TTC7A: variants seen among roughly 807,000 people sequenced by gnomAD.
The protein encoded by TTC7A is tetratricopeptide repeat protein 7A.
Under a neutral mutation model 103.7 loss-of-function variants are expected in TTC7A, and 110 were observed. That is an observed-to-expected ratio of 1.06 (90% CI 0.91 to 1.24). The LOEUF (loss-of-function observed/expected upper bound fraction) is 1.24. Among genes scored for constraint, TTC7A ranks in the 50% most tolerant of loss-of-function variants. The pLI is 0.00. For missense variants in TTC7A, 1,340 were observed against 1,116.3 expected, an observed-to-expected ratio of 1.20 and a Z score of -2.86; for synonymous variants, 521 against 467.9, an observed-to-expected ratio of 1.11 and a Z score of -1.47.
intron 15 of TTC7A, among the ~76,000 whole-genome samples, chr2:47,032,099 C>G (rs1258756354): frequency 6.6e-6 from 1 of 152,234 alleles, no homozygotes; most frequent in Non-Finnish European, 1.5e-5. Context: ...TGACTCCTTC[C>G]CCAGGAAGTG....
At chr2:46,956,769 G>C in intron 2 of TTC7A, 70 bp from the exon 3 acceptor site, 1 of 1,572,536 alleles carries the variant, frequency 6.4e-7, no homozygotes, top group Non-Finnish European at 8.7e-7. Context: ...ACAAGGTCCA[G>C]GTTCAGTGGG....
chr2:47,040,695 A>G (rs1025411911), intron 15 of TTC7A, among the ~76,000 whole-genome samples: 1 of 152,176 alleles, frequency 6.6e-6, no homozygotes, highest in Non-Finnish European at 1.5e-5. Context: ...TCAAAGCAGG[A>G]GTCCCTTCCC....
intron 16 of TTC7A, chr2:47,047,244 G>A (rs1473552179): frequency 2.0e-6 from 3 of 1,479,546 alleles, no homozygotes; most frequent in Non-Finnish European, 1.8e-6. Context: ...CCCCAGTCTG[G>A]TGTATATTTG....
At chr2:46,942,225 T>C (rs1670492178) in intron 1 of TTC7A, among the ~76,000 whole-genome samples, 1 of 152,168 alleles carries the variant, frequency 6.6e-6, no homozygotes, top group African/African-American at 2.4e-5. Flanking sequence ...CCAGCCTCAG[T>C]TTCCTCATCT....
intron 2 of TTC7A, among the ~76,000 whole-genome samples, chr2:46,930,249 T>C (rs567240291): frequency 2.0e-5 from 3 of 152,048 alleles, no homozygotes; most frequent in South Asian, 4.2e-4. Context: ...AGTAATAAAA[T>C]TTATAAATCC....
At chr2:46,968,419 C>T (rs541948157) in intron 3 of TTC7A, among the ~76,000 whole-genome samples, 103 of 152,300 alleles carry the variant, frequency 6.8e-4, no homozygotes, top group African/African-American at 2.4e-3. Context: ...TGTGCAGAAG[C>T]GCTCACGGGG....
intron 2 of TTC7A, among the ~76,000 whole-genome samples, chr2:46,925,901 T>A (rs1246562251): frequency 1.3e-5 from 2 of 152,162 alleles, no homozygotes; most frequent in East Asian, 1.9e-4. Context: ...CTGCCTTGAG[T>A]TCTTAGATAC....
In TTC7A at chr2:46,941,793, G is replaced by A. The variant is rs1670421263; in HGVS notation, c.184+68G>A. The A allele has an allele frequency of 4.6e-6, 7 of 1,537,954 alleles. No individual in the cohort carries two copies. In the South Asian group the frequency reaches 7.2e-5, roughly 16 times the overall value. ...AAACGCACCGCCTCCTCCAGGAAGC[G>A]CGCCCAGACAGTCCTCGGCCGACAG... is the stretch of plus-strand genomic sequence containing the variant. On this transcript the variant is annotated intron_variant, in intron 1 of 19. Transcript: ENST00000319190. The surrounding 1 kb of genome is among the most constrained non-coding windows in gnomAD (Gnocchi z 4.2).
chr2:46,956,469 C>G, intron 2 of TTC7A: 1 of 220,766 alleles, frequency 4.5e-6, no homozygotes, highest in African/African-American at 2.2e-5. Context: ...TCTGACTCCC[C>G]ACTTGTGTTT....
chr2:46,974,831 C>G lies in TTC7A; in HGVS notation c.518-142C>G, dbSNP rs889383532. ...CACCACCGTCGCTTCAGCTTCCTCC[C>G]TCCCCTCCGCAGACCTCCGCCTCCT... is the stretch of plus-strand genomic sequence containing the variant. On this transcript the variant is annotated intron_variant, in intron 3 of 19. Transcript: ENST00000319190. 6.7e-6 allele frequency: 8 copies of G among 1,202,908 alleles called. No individual in the cohort carries two copies. The South Asian group carries it at 6.7e-5, about 10-fold the overall frequency. The allele number at this position is 1,202,908 out of a possible 1,614,324, so 74.5% of individuals were successfully genotyped here.
At chr2:47,020,508 C>T (rs1181396049) in intron 11 of TTC7A, among the ~76,000 whole-genome samples, 4 of 152,224 alleles carry the variant, frequency 2.6e-5, no homozygotes, top group Admixed American at 6.5e-5. Context: ...CAGACACCCT[C>T]ATCCTTCCAG....
At chr2:46,918,236 T>C (rs994043909) in intron 2 of TTC7A, among the ~76,000 whole-genome samples, 2 of 152,260 alleles carry the variant, frequency 1.3e-5, no homozygotes, top group African/African-American at 4.8e-5. Context: ...GTACTCATTC[T>C]GTTGTTCAAG....
chr2:46,975,878 A>C (rs1192545107), intron 4 of TTC7A, among the ~76,000 whole-genome samples: 1 of 152,082 alleles, frequency 6.6e-6, no homozygotes, highest in South Asian at 2.1e-4. Context: ...CTGGGACTAC[A>C]GGCGCCTGCC....
chr2:47,049,388 T>C (rs890565104), intron 16 of TTC7A, among the ~76,000 whole-genome samples: 3 of 151,494 alleles, frequency 2.0e-5, no homozygotes, highest in African/African-American at 4.9e-5. Flanking sequence ...ATCTGGGAAA[T>C]TGGGGACAAG....
intron 1 of TTC7A, 60 bp from the exon 2 acceptor site, chr2:46,950,303 C>CGAG: frequency 6.3e-7 from 1 of 1,595,394 alleles, no homozygotes; most frequent in Non-Finnish European, 8.6e-7. Context: ...GAGTGTGCAA[C>CGAG]TCCCTCCATT....
intron 11 of TTC7A, among the ~76,000 whole-genome samples, chr2:47,011,985 A>G (rs930678990): frequency 3.3e-5 from 5 of 152,340 alleles, no homozygotes; most frequent in Admixed American, 6.5e-5. Context: ...CTATGGCTCC[A>G]GGTCTGCTCT....
At chr2:47,030,760 G>T (rs1680442285) in intron 15 of TTC7A, among the ~76,000 whole-genome samples, 1 of 152,182 alleles carries the variant, frequency 6.6e-6, no homozygotes, top group Admixed American at 6.5e-5. Flanking sequence ...CTCACAGCCA[G>T]GTGTAAGCAG....
chr2:47,036,869 A>G (rs1235337169), intron 15 of TTC7A, among the ~76,000 whole-genome samples: 3 of 152,156 alleles, frequency 2.0e-5, no homozygotes, highest in African/African-American at 7.2e-5. Context: ...AGTCCTGAGC[A>G]TGTGTTGGAT....
chr2:46,922,019 C>T (rs1378188115), intron 2 of TTC7A, among the ~76,000 whole-genome samples: 2 of 152,164 alleles, frequency 1.3e-5, no homozygotes, highest in African/African-American at 2.4e-5. Flanking sequence ...TAAAGACATA[C>T]TGGGAACGAT....
Sources: gnomAD v4.1 joint callset for allele counts (sites outside exome capture counted in the v4.1 genomes callset) on GRCh38, gnomAD v4.1.1 for gene constraint, Gnocchi (gnomAD v3.1) non-coding constraint, MANE v1.5 for transcripts, NCBI Gene and HGNC (gene_info 2026-07-23, HGNC 2026-07-21) for gene names.